EOLA1: variants seen among roughly 807,000 people sequenced by gnomAD.
EOLA1 encodes the protein protein EOLA1.
Under a neutral mutation model 4.5 loss-of-function variants are expected in EOLA1, and 1 was observed. That is an observed-to-expected ratio of 0.22 (90% confidence interval 0.08 to 1.05). EOLA1 has a LOEUF of 1.05. Ranked by LOEUF, EOLA1 falls within the 50% of genes least tolerant of loss-of-function variation. EOLA1 has a pLI of 0.57. For missense variants in EOLA1, 69 were observed against 127.2 expected, an observed-to-expected ratio of 0.54 and a Z score of 2.20; for synonymous variants, 37 against 52.3, an observed-to-expected ratio of 0.71 and a Z score of 1.26.
At position 149,545,621 on chromosome X, in the gene EOLA1, G is replaced by A. The variant is rs782152238; in HGVS notation, c.-10G>A. ...CCGCAGGCTACGGGAGGCCCGGGGC[G>A]CTTGCGAAGATGAAGTTTGGCTGCC... On this transcript the variant is annotated 5_prime_UTR_variant, in exon 4 of 5. Coordinates refer to ENST00000393985, the MANE Select transcript of EOLA1 (RefSeq NM_001171907.3). 4.1e-5 allele frequency: 49 copies of A among 1,202,918 alleles called. No individual in the cohort carries two copies. Among genetic ancestry groups the A allele is most frequent in the Admixed American group, 2.6e-4 (12 of 45,736 alleles).
intron 2 of EOLA1, among the ~76,000 whole-genome samples, chrX:149,542,592 G>A (rs2089750617): frequency 9.3e-6 from 1 of 107,944 alleles, no homozygotes; most frequent in South Asian, 4.1e-4. Flanking sequence ...ATCAGTGGAG[G>A]AATGGTCAGG....
chrX:149,547,786 G>A lies in EOLA1; in HGVS notation c.*824G>A, dbSNP rs1334630287. 1 of 142,323 alleles carries A rather than the reference G, an allele frequency of 7.0e-6. No homozygotes were observed. The highest frequency in any genetic ancestry group is 1.0e-5 in the Non-Finnish European group (1 of 98,068). The allele number at this position is 142,323 out of a possible 1,213,427, so 11.7% of individuals were successfully genotyped here. On this transcript the variant is annotated 3_prime_UTR_variant, in exon 5 of 5. Transcript: ENST00000393985. ...GCAGTGGCCCTTCTCTTCTGAGCCAGGATGTTATGGTGGTTGTACATCCCA... is the reference window on the plus strand; with the variant it reads ...GCAGTGGCCCTTCTCTTCTGAGCCAAGATGTTATGGTGGTTGTACATCCCA...
Position 149,542,088 on chromosome X carries a change from A to G in EOLA1, c.-163+3A>G. The G allele has an allele frequency of 2.8e-6, 2 of 717,641 alleles. No homozygotes were observed. The highest frequency in any genetic ancestry group is 1.7e-6 in the Non-Finnish European group (1 of 604,380). The allele number at this position is 717,641 out of a possible 1,213,427, so 59.1% of individuals were successfully genotyped here. A position where few individuals can be genotyped will look rare whatever the true frequency, so the allele number is the denominator to read the frequency against. On this transcript the variant is annotated splice_donor_region_variant and intron_variant, in intron 2 of 4. Transcript: ENST00000393985. The stretch of plus-strand genomic sequence containing the variant: ...GCAGGTACTCTCTGCAGCACCAGGT[A>G]GGAGGGGACTCAACCCCCTTCTTGC...
chrX:149,547,146 G>A lies in EOLA1; in HGVS notation c.*184G>A, dbSNP rs1367470500. 58 of 1,019,784 alleles carry A rather than the reference G, an allele frequency of 5.7e-5. No individual in the cohort carries two copies. The East Asian group carries it at 1.9e-3, about 34-fold the overall frequency. 84.0% of individuals were successfully genotyped at this position (1,019,784 alleles called of 1,213,427 possible). A position where few individuals can be genotyped will look rare whatever the true frequency, so the allele number is the denominator to read the frequency against. ...TCCTTTGCTCAGATGAAGGAAGTAG[G>A]GGGTGGGGCTTTCCTTGTGTGATGC... On this transcript the variant is annotated 3_prime_UTR_variant, in exon 5 of 5. Transcript: ENST00000393985.
intron 2 of EOLA1, 127 bp downstream of exon 2, chrX:149,542,212 A>G (rs1315698586): frequency 1.9e-5 from 3 of 154,329 alleles, no homozygotes; most frequent in African/African-American, 9.5e-5. Flanking sequence ...TGGCTAAGAA[A>G]CTGGGCGGCA....
Position 149,546,920 on chromosome X carries a change from A to G in EOLA1, c.435A>G (p.Val145=). The G allele has an allele frequency of 8.3e-7, 1 of 1,208,588 alleles. No individual in the cohort carries two copies. Residue 145 remains valine, a synonymous_variant, in exon 5 of 5, where the codon GTA becomes GTG. Transcript: ENST00000393985. The part of the protein sequence containing the change: ...PRKGGKDVFQ[V]DIPEHLIPLG... ...AAGGAGGCAAGGATGTATTCCAGGT[A>G]GACATCCCAGAGCACCTGATCCCTT...
Position 149,544,448 on chromosome X carries a change from G to A in EOLA1, c.-162-920G>A, listed in dbSNP as rs782177284. The A allele has an allele frequency of 2.4e-5, 16 of 678,083 alleles. No individual in the cohort carries two copies. In the South Asian group the frequency reaches 1.2e-3, roughly 49 times the overall value. The allele number at this position is 678,083 out of a possible 1,213,427, so 55.9% of individuals were successfully genotyped here. On this transcript the variant is annotated intron_variant, in intron 2 of 4. Transcript: ENST00000393985. ...AGAGAGAGGAGTAGGGGCAGCTCAAGGGTGGAGTTCAGGGCCGGGGGCGGG... is the reference window on the plus strand; with the variant it reads ...AGAGAGAGGAGTAGGGGCAGCTCAAAGGTGGAGTTCAGGGCCGGGGGCGGG...
At chrX:149,550,340 C>CT (rs1469293502), downstream of EOLA1, 35 of 48,523 alleles carry the variant, frequency 7.2e-4, 10 homozygotes, top group African/African-American at 4.5e-3. Context: ...CCAAGACTGC[C>CT]TGACTCATAT....
Position 149,544,538 on chromosome X carries a change from G to C in EOLA1, c.-162-830G>C, listed in dbSNP as rs1184624422. 4 of 750,451 alleles carry C rather than the reference G, an allele frequency of 5.3e-6. No individual in the cohort carries two copies. The East Asian group carries it at 6.1e-4, about 114-fold the overall frequency. 61.8% of individuals were successfully genotyped at this position (750,451 alleles called of 1,213,427 possible). ...CTGTTCTATTAGGTGCCACGTACTGGGCTGGGTGCTCTTGGTGCCTTATCT... is the reference window on the plus strand; with the variant it reads ...CTGTTCTATTAGGTGCCACGTACTGCGCTGGGTGCTCTTGGTGCCTTATCT... On this transcript the variant is annotated intron_variant, in intron 2 of 4. Coordinates refer to ENST00000393985, the MANE Select transcript of EOLA1 (RefSeq NM_001171907.3).
chrX:149,545,396 A>G lies in EOLA1; in HGVS notation c.-134A>G. The G allele has an allele frequency of 9.3e-7, 1 of 1,074,395 alleles. No individual in the cohort carries two copies. Among genetic ancestry groups the G allele is most frequent in the Non-Finnish European group, 1.2e-6 (1 of 832,418 alleles). 88.5% of individuals were successfully genotyped at this position (1,074,395 alleles called of 1,213,427 possible). Reference sequence around the variant, plus strand: ...TCCCCGCCCTACTCCGGACCGCCCCAAAGACTCCATGGGATGGACCTGAGT... The same window carrying G: ...TCCCCGCCCTACTCCGGACCGCCCCGAAGACTCCATGGGATGGACCTGAGT... On this transcript the variant is annotated 5_prime_UTR_variant, in exon 3 of 5. Coordinates refer to ENST00000393985, the MANE Select transcript of EOLA1 (RefSeq NM_001171907.3).
At position 149,545,700 on chromosome X, in the gene EOLA1, G is replaced by C; in HGVS notation, c.70G>C (p.Glu24Gln). The C allele has an allele frequency of 8.3e-7, 1 of 1,211,741 alleles. No homozygotes were observed. The highest frequency in any genetic ancestry group is 1.1e-6 in the Non-Finnish European group (1 of 895,335). Reference protein sequence around the residue: ...GFVLNGIKTVETRWRPLLSSQ... With the variant: ...GFVLNGIKTVQTRWRPLLSSQ... ...TGTCTTAAATGGAATCAAGACTGTG[G>C]AGACGCGCTGGCGTCCCCTGCTGAG... Residue 24 changes from glutamate to glutamine, a missense_variant, in exon 4 of 5, where the codon GAG becomes CAG. Transcript: ENST00000393985.
chrX:149,547,703 G>A lies in EOLA1; in HGVS notation c.*741G>A, dbSNP rs1439644300. The A allele has an allele frequency of 5.0e-5, 35 of 697,271 alleles. No homozygotes were observed. The African/African-American group carries it at 8.7e-4, about 17-fold the overall frequency. 57.5% of individuals were successfully genotyped at this position (697,271 alleles called of 1,213,427 possible). On this transcript the variant is annotated 3_prime_UTR_variant, in exon 5 of 5. Transcript: ENST00000393985. The stretch of plus-strand genomic sequence containing the variant: ...ATTTTTTTTTTTTTTTGGTGATTTA[G>A]CAAAGTTTCTAGTTGTTATCCATGA...
Position 149,545,489 on chromosome X carries a change from G to C in EOLA1, c.-41G>C, listed in dbSNP as rs1184490184. ...GGACATCAGTGACAGACGGAAGCAG[G>C]AGACCATCAAGGTCAGTGCGATTTA... is the stretch of plus-strand genomic sequence containing the variant. On this transcript the variant is annotated 5_prime_UTR_variant, in exon 3 of 5. Transcript: ENST00000393985. 573 of 1,117,095 alleles carry C rather than the reference G, an allele frequency of 5.1e-4. No homozygotes were observed. The highest frequency in any genetic ancestry group is 6.2e-4 in the Non-Finnish European group (531 of 849,613). The allele number at this position is 1,117,095 out of a possible 1,213,427, so 92.1% of individuals were successfully genotyped here.
At chrX:149,545,527 G>C (rs1275553925) in intron 3 of EOLA1, 27 bp downstream of exon 3, 21 of 1,154,550 alleles carry the variant, frequency 1.8e-5, no homozygotes, top group Non-Finnish European at 2.4e-5. Context: ...CCACCTGAGA[G>C]ACACGGGGGG....
Position 149,546,957 on chromosome X carries a change from G to A in EOLA1, c.472G>A (p.Val158Met). 1.3e-5 allele frequency: 16 copies of A among 1,203,876 alleles called. No individual in the cohort carries two copies. Among genetic ancestry groups the A allele is most frequent in the African/African-American group, 1.8e-5 (1 of 57,042 alleles). Reference protein sequence around the residue: ...PEHLIPLGHEV With the variant: ...PEHLIPLGHEM ...GCACCTGATCCCTTTGGGGCATGAA[G>A]TGTGACAAGTGTGGGCTCCTGAAAG... The change falls in exon 5 of 5, where the codon GTG becomes ATG. Residue 158 changes from valine (V) to methionine (M), a missense_variant. Physicochemically the swap from Val to Met is conservative, Grantham distance 21 (BLOSUM62 1). Coordinates refer to ENST00000393985, the MANE Select transcript of EOLA1 (RefSeq NM_001171907.3).
In EOLA1 at chrX:149,544,400, G is replaced by A. The variant is rs782677043; in HGVS notation, c.-162-968G>A. 56 of 267,500 alleles carry A rather than the reference G, an allele frequency of 2.1e-4. 1 individual carries two copies. Among genetic ancestry groups the A allele is most frequent in the African/African-American group, 1.5e-3 (42 of 28,206 alleles). The allele number at this position is 267,500 out of a possible 1,213,427, so 22.0% of individuals were successfully genotyped here. On this transcript the variant is annotated intron_variant, in intron 2 of 4. Transcript: ENST00000393985. ...AATCATAGAGCGTACTAGAGGTTGC[G>A]TTTATGTGTTGAAAGGAAGGACAGA...
At position 149,545,438 on chromosome X, in the gene EOLA1, C is replaced by G; in HGVS notation, c.-92C>G. On this transcript the variant is annotated 5_prime_UTR_variant, in exon 3 of 5. Coordinates refer to ENST00000393985, the MANE Select transcript of EOLA1 (RefSeq NM_001171907.3). ...GACCTGAGTCAGCCGAATCCCAGCC[C>G]CTTCCCTTGGGCCTGCTGTGGTGCT... is the stretch of plus-strand genomic sequence containing the variant. 2 of 1,089,025 alleles carry G rather than the reference C, an allele frequency of 1.8e-6. No individual in the cohort carries two copies. The highest frequency in any genetic ancestry group is 2.4e-6 in the Non-Finnish European group (2 of 838,025). 89.7% of individuals were successfully genotyped at this position (1,089,025 alleles called of 1,213,427 possible). A position where few individuals can be genotyped will look rare whatever the true frequency, so the allele number is the denominator to read the frequency against.
At chrX:149,544,469 G>C (rs2089796439) in intron 2 of EOLA1, 1 of 739,835 alleles carries the variant, frequency 1.4e-6, no homozygotes, top group African/African-American at 2.4e-5. Flanking sequence ...AGGGCCGGGG[G>C]CGGGGCCACG....
At chrX:149,542,190 C>G (rs1239785019) in intron 2 of EOLA1, 105 bp downstream of exon 2, 2 of 229,281 alleles carry the variant, frequency 8.7e-6, no homozygotes, top group Non-Finnish European at 1.2e-5. Flanking sequence ...GTGGTGATGA[C>G]GAGAAAAGGG....
Sources: allele counts gnomAD v4.1 joint callset (sites outside exome capture counted in the v4.1 genomes callset), GRCh38; gene constraint gnomAD v4.1.1; transcripts MANE v1.5; gene names NCBI Gene and HGNC (gene_info 2026-07-23, HGNC 2026-07-21).